NTM: variants seen among roughly 807,000 people sequenced by gnomAD.
The protein encoded by NTM is IgLON family member 2.
In NTM, 13 loss-of-function variants were observed where a neutral mutation model predicts 42.1. The observed-to-expected ratio is 0.31, with a 90% CI of 0.20 to 0.49. The LOEUF (loss-of-function observed/expected upper bound fraction) is 0.49, where lower values mean the gene tolerates loss of function less well. Ranked by LOEUF, NTM falls within the 20% of genes least tolerant of loss-of-function variation. The pLI is 0.99. For missense variants in NTM, 373 were observed against 452.8 expected (o/e 0.82, Z 1.60); for synonymous variants, 187 against 179.2 (o/e 1.04, Z -0.35).
chr11:132,157,165 T>A (rs2073361464), intron 3 of NTM, among the ~76,000 whole-genome samples: 1 of 152,198 alleles, frequency 6.6e-6, no homozygotes, highest in Non-Finnish European at 1.5e-5. Context: ...AGCCACTAAA[T>A]ATATGGAAAT....
chr11:131,867,569 T>A (rs1344636979), intron 1 of NTM, among the ~76,000 whole-genome samples: 3 of 152,088 alleles, frequency 2.0e-5, no homozygotes, highest in Non-Finnish European at 4.4e-5. Context: ...TCTGTGTGTG[T>A]CTGCCTGTGT....
At chr11:131,830,157 T>C (rs1460206216) in intron 1 of NTM, among the ~76,000 whole-genome samples, 2 of 152,246 alleles carry the variant, frequency 1.3e-5, no homozygotes, top group African/African-American at 4.8e-5. Flanking sequence ...TTTCTTTTGC[T>C]GTGCAGAAAC....
chr11:131,372,790 G>A (rs916725216), intron 1 of NTM, among the ~76,000 whole-genome samples: 9 of 137,866 alleles, frequency 6.5e-5, no homozygotes, highest in Middle Eastern at 4.3e-3. Context: ...ATTAGCATAC[G>A]TGATTTTTTT....
rs10577927 is a variant in NTM at position 131,699,909 on chromosome 11, GGTGTGTGTGTGTGT to G, written c.83-211614_83-211601del. Among the ~76,000 whole-genome samples the G allele has an allele frequency of 9.4e-3, 1,226 of 130,548 alleles. 11 individuals are homozygous for G. Among genetic ancestry groups the G allele is most frequent in the African/African-American group, 0.012 (430 of 35,414 alleles). 85.6% of individuals were successfully genotyped at this position (130,548 alleles called of 152,430 possible). On this transcript the variant is annotated intron_variant, in intron 1 of 8. Coordinates refer to ENST00000683400, the MANE Select transcript of NTM (RefSeq NM_001352005.2). The stretch of plus-strand genomic sequence containing the variant: ...AACCATATCACTAGCCAAAGCAGCA[GGTGTGTGTGTGTGT>G]GTGTGTGTGTGTGTGTGTGTGTGTG...
intron 1 of NTM, among the ~76,000 whole-genome samples, chr11:131,600,960 C>T (rs2060432264): frequency 6.6e-6 from 1 of 152,156 alleles, no homozygotes; most frequent in South Asian, 2.1e-4. Flanking sequence ...TGCCCATCTG[C>T]TTCTTGGCAA....
chr11:131,943,019 G>A (rs2059976738), intron 2 of NTM, among the ~76,000 whole-genome samples: 1 of 152,010 alleles, frequency 6.6e-6, no homozygotes. Context: ...GAGACTAAAA[G>A]CTAGGCATGC....
At chr11:132,010,722 C>T (rs2071979433) in intron 2 of NTM, among the ~76,000 whole-genome samples, 1 of 151,364 alleles carries the variant, frequency 6.6e-6, no homozygotes, top group African/African-American at 2.4e-5. Flanking sequence ...AGTCTGGGGA[C>T]TTGGTCAGGT....
At chr11:131,748,388 A>T (rs1241500905) in intron 1 of NTM, among the ~76,000 whole-genome samples, 2 of 152,238 alleles carry the variant, frequency 1.3e-5, no homozygotes, top group Non-Finnish European at 2.9e-5. Context: ...GACGCCGCAC[A>T]GCCGGCTAAC....
chr11:132,151,562 G>T (rs889795392), intron 3 of NTM, among the ~76,000 whole-genome samples: 2 of 152,210 alleles, frequency 1.3e-5, no homozygotes, highest in Non-Finnish European at 2.9e-5. Context: ...TAGCCTCTTT[G>T]TCAGTTTTCC....
intron 6 of NTM, among the ~76,000 whole-genome samples, chr11:132,313,389 ACAAGCTGTGCTC>A (rs1467588255): frequency 2.6e-5 from 4 of 151,982 alleles, no homozygotes; most frequent in Admixed American, 1.3e-4. Context: ...TCTGCTTGCT[ACAAGCTGTGCTC>A]CAGCCAGGCC....
At chr11:131,443,532 T>C (rs975196808) in intron 1 of NTM, among the ~76,000 whole-genome samples, 2 of 152,200 alleles carry the variant, frequency 1.3e-5, no homozygotes, top group Non-Finnish European at 2.9e-5. Context: ...GCTGGAAATA[T>C]ATGCATCGAG....
intron 4 of NTM, among the ~76,000 whole-genome samples, chr11:132,218,730 A>G (rs2084466143): frequency 6.6e-6 from 1 of 152,168 alleles, no homozygotes; most frequent in African/African-American, 2.4e-5. Flanking sequence ...GAGGCCAAGT[A>G]TGAATTATCC....
chr11:131,556,000 CAG>C (rs1262624101), intron 1 of NTM, among the ~76,000 whole-genome samples: 2 of 152,154 alleles, frequency 1.3e-5, no homozygotes, highest in African/African-American at 2.4e-5. Context: ...TCCAAGGGAA[CAG>C]AGTCAATGGA....
chr11:131,737,124 G>T (rs1005765797), intron 1 of NTM, among the ~76,000 whole-genome samples: 1 of 152,216 alleles, frequency 6.6e-6, no homozygotes, highest in African/African-American at 2.4e-5. Flanking sequence ...GGAATGGACA[G>T]TTACTGGGTT....
chr11:131,614,425 C>A (rs1592231513), intron 1 of NTM, among the ~76,000 whole-genome samples: 1 of 152,322 alleles, frequency 6.6e-6, no homozygotes, highest in East Asian at 1.9e-4. Flanking sequence ...AACACTTTCC[C>A]CAAAATGGGT....
At chr11:131,683,949 G>A (rs2134887245) in intron 1 of NTM, among the ~76,000 whole-genome samples, 1 of 152,340 alleles carries the variant, frequency 6.6e-6, no homozygotes, top group Non-Finnish European at 1.5e-5. Context: ...GCGTTCTGAA[G>A]GGCAGGCGGT....
At chr11:131,943,717 G>C (rs1352632464) in intron 2 of NTM, among the ~76,000 whole-genome samples, 2 of 151,308 alleles carry the variant, frequency 1.3e-5, no homozygotes, top group Admixed American at 6.6e-5. Flanking sequence ...CCTTTTTTTT[G>C]TCTCTCTCTG....
chr11:132,238,579 G>A (rs951889790), intron 4 of NTM, among the ~76,000 whole-genome samples: 2 of 152,028 alleles, frequency 1.3e-5, no homozygotes, highest in African/African-American at 2.4e-5. Context: ...GTTGTCTTTC[G>A]GTATGAGAGG....
chr11:131,872,933 A>G (rs2047945216), intron 1 of NTM, among the ~76,000 whole-genome samples: 1 of 152,164 alleles, frequency 6.6e-6, no homozygotes, highest in Non-Finnish European at 1.5e-5. Flanking sequence ...GTCTTCCACA[A>G]TGGTTGAACT....
Sources: gnomAD v4.1 joint callset for allele counts (sites outside exome capture counted in the v4.1 genomes callset) on GRCh38, gnomAD v4.1.1 for gene constraint, MANE v1.5 for transcripts, NCBI Gene and HGNC (gene_info 2026-07-23, HGNC 2026-07-21) for gene names.